ARK2C: variants seen among roughly 807,000 people sequenced by gnomAD.
The protein encoded by ARK2C is E3 ubiquitin-protein ligase ARK2C.
chr18:46,451,544 C>G, the ARK2C span, among the ~76,000 whole-genome samples: 1 of 152,148 alleles, frequency 6.6e-6, no homozygotes, highest in East Asian at 1.9e-4. Context: ...CCTATAATCT[C>G]AGTGCTTTGG....
At chr18:46,407,650 C>A in the ARK2C span, among the ~76,000 whole-genome samples, 1 of 152,032 alleles carries the variant, frequency 6.6e-6, no homozygotes, top group Non-Finnish European at 1.5e-5. Context: ...CCGTGGCTTG[C>A]GTGGGAAAAA....
chr18:46,456,397 A>G, the ARK2C span: 3 of 741,028 alleles, frequency 4.0e-6, no homozygotes, highest in Non-Finnish European at 7.0e-6. Context: ...ATGGTTTCCC[A>G]TCTCAGCCAC....
the ARK2C span, chr18:46,447,818 C>A: frequency 9.1e-7 from 1 of 1,102,640 alleles, no homozygotes. Flanking sequence ...CCCTGTGCCC[C>A]GGCTTCCACA....
At chr18:46,421,884 T>C in the ARK2C span, among the ~76,000 whole-genome samples, 919 of 152,248 alleles carry the variant, frequency 6.0e-3, 6 homozygotes, top group African/African-American at 0.02. Flanking sequence ...AGCCTGGCCC[T>C]GGGGAAGCAT....
the ARK2C span, among the ~76,000 whole-genome samples, chr18:46,353,780 G>C: frequency 6.6e-6 from 1 of 152,196 alleles, no homozygotes; most frequent in African/African-American, 2.4e-5. Context: ...GGGCCCTCCA[G>C]AAGAGATAAC....
chr18:46,457,804 C>G, the ARK2C span: 1 of 152,614 alleles, frequency 6.6e-6, no homozygotes, highest in African/African-American at 2.4e-5. Context: ...TCAGCCAGCA[C>G]TAAGGGCTGA....
chr18:46,422,793 T>C, the ARK2C span, among the ~76,000 whole-genome samples: 3 of 152,232 alleles, frequency 2.0e-5, no homozygotes, highest in African/African-American at 7.2e-5. Context: ...ACTCCTCTTC[T>C]GAGCAGTTAG....
At chr18:46,405,573 C>T in the ARK2C span, among the ~76,000 whole-genome samples, 6 of 152,018 alleles carry the variant, frequency 3.9e-5, no homozygotes, top group Admixed American at 2.0e-4. Context: ...AAGGAGACAG[C>T]GCAAGAGGAA....
At chr18:46,461,333 C>T in the ARK2C span, 1 of 152,320 alleles carries the variant, frequency 6.6e-6, no homozygotes. Context: ...GCTGTCTCAC[C>T]TTCTGAGGAG....
At chr18:46,424,745 C>T in the ARK2C span, among the ~76,000 whole-genome samples, 1 of 152,170 alleles carries the variant, frequency 6.6e-6, no homozygotes, top group Non-Finnish European at 1.5e-5. Flanking sequence ...GAAACTAGGG[C>T]CTGGAGAAGT....
chr18:46,459,348 T>C, the ARK2C span: 1 of 152,286 alleles, frequency 6.6e-6, no homozygotes, highest in African/African-American at 2.4e-5. Context: ...CTAATTTCCT[T>C]CTGACACTCA....
chr18:46,387,568 C>T, the ARK2C span, among the ~76,000 whole-genome samples: 1 of 152,276 alleles, frequency 6.6e-6, no homozygotes, highest in African/African-American at 2.4e-5. Flanking sequence ...CCCGGCACCA[C>T]CTGGGTGTAG....
the ARK2C span, among the ~76,000 whole-genome samples, chr18:46,371,992 G>A: frequency 9.2e-5 from 14 of 152,290 alleles, no homozygotes; most frequent in African/African-American, 2.9e-4. Flanking sequence ...TGTCACTTCC[G>A]AGAGCTGACT....
chr18:46,453,923 G>A, the ARK2C span, among the ~76,000 whole-genome samples: 22 of 151,650 alleles, frequency 1.5e-4, no homozygotes, highest in East Asian at 3.7e-3. Flanking sequence ...GACCAGCCTG[G>A]CCATCATAGA....
chr18:46,379,172 C>T, the ARK2C span, among the ~76,000 whole-genome samples: 1 of 152,164 alleles, frequency 6.6e-6, no homozygotes, highest in Non-Finnish European at 1.5e-5. Flanking sequence ...TCCTGTCATA[C>T]AAGAGTTGCT....
the ARK2C span, among the ~76,000 whole-genome samples, chr18:46,371,994 G>C: frequency 6.6e-6 from 1 of 152,184 alleles, no homozygotes; most frequent in African/African-American, 2.4e-5. Flanking sequence ...TCACTTCCGA[G>C]AGCTGACTGT....
At chr18:46,393,456 C>T in the ARK2C span, among the ~76,000 whole-genome samples, 1 of 152,180 alleles carries the variant, frequency 6.6e-6, no homozygotes, top group Non-Finnish European at 1.5e-5. Context: ...TCTTCTGGCC[C>T]AGGGCTTTAG....
the ARK2C span, chr18:46,334,709 TGTGTGTGAGA>T: frequency 4.6e-3 from 661 of 143,928 alleles, 1 homozygote; most frequent in East Asian, 0.018. This position sits in a 1 kb window ranked among gnomAD's most constrained non-coding sequence, Gnocchi z 4.4. Context: ...TGTGTGTGTG[TGTGTGTGAGA>T]GAGAGAGAGA....
At chr18:46,404,710 G>A in the ARK2C span, among the ~76,000 whole-genome samples, 11 of 151,836 alleles carry the variant, frequency 7.2e-5, no homozygotes, top group East Asian at 1.3e-3. Context: ...CCGAGACCGC[G>A]CCGCCACACT....
Sources: gnomAD v4.1 joint callset for allele counts (sites outside exome capture counted in the v4.1 genomes callset) on GRCh38, gnomAD v4.1.1 for gene constraint, Gnocchi (gnomAD v3.1) non-coding constraint, MANE v1.5 for transcripts, NCBI Gene and HGNC (gene_info 2026-07-23, HGNC 2026-07-21) for gene names.